Variants in TM9SF3 observed in about 807,000 individuals in gnomAD.
TM9SF3 encodes the protein transmembrane 9 superfamily member 3.
TM9SF3 carries 14 observed loss-of-function variants against 78.6 expected under a neutral mutation model. The ratio of observed to expected loss-of-function variants is 0.18; its 90% CI spans 0.12 to 0.28. The LOEUF (loss-of-function observed/expected upper bound fraction) is 0.28. Among genes scored for constraint, TM9SF3 ranks in the 10% least tolerant of loss-of-function variants. The pLI, the probability that TM9SF3 is intolerant of heterozygous loss-of-function variation, is 1.00. For synonymous variants in TM9SF3, 231 were observed against 241.7 expected (o/e 0.96, Z 0.41); for missense variants, 496 against 721.9 (o/e 0.69, Z 3.59).
At chr10:96,556,440 C>T (rs1057074010) in intron 5 of TM9SF3, among the ~76,000 whole-genome samples, 2 of 152,120 alleles carry the variant, frequency 1.3e-5, no homozygotes, top group African/African-American at 2.4e-5. Context: ...TCATAGTAAG[C>T]GGCAAAGCAT....
chr10:96,546,209 TA>T (rs373582993), intron 8 of TM9SF3, among the ~76,000 whole-genome samples: 18 of 152,182 alleles, frequency 1.2e-4, no homozygotes, highest in African/African-American at 3.1e-4. Context: ...ACTTCTACAT[TA>T]ACCTGGTTTT....
chr10:96,561,878 C>T (rs1848312175), intron 4 of TM9SF3, 100 bp downstream of exon 4: 2 of 949,008 alleles, frequency 2.1e-6, no homozygotes, highest in East Asian at 4.9e-5. Flanking sequence ...TGTTGCATCC[C>T]ATTTCAAGCT....
At chr10:96,533,272 C>A (rs1042554425) in intron 9 of TM9SF3, 82 bp from the exon 10 acceptor site, 4 of 1,464,146 alleles carry the variant, frequency 2.7e-6, no homozygotes, top group Non-Finnish European at 3.7e-6. Flanking sequence ...AATTTAAACA[C>A]AATTTGACCA....
intron 1 of TM9SF3, among the ~76,000 whole-genome samples, chr10:96,577,928 T>A (rs1288897582): frequency 6.6e-6 from 1 of 152,124 alleles, no homozygotes; most frequent in African/African-American, 2.4e-5. Context: ...AGTTAATAAA[T>A]AAATATTTTC....
intron 1 of TM9SF3, among the ~76,000 whole-genome samples, chr10:96,579,894 A>C (rs764724020): frequency 1.4e-4 from 21 of 152,242 alleles, no homozygotes; most frequent in Non-Finnish European, 2.9e-4. Context: ...GAAATTAAAA[A>C]ATACCAAAAG....
rs538195039 is a variant in TM9SF3, at chr10:96,533,185, G to A, written c.1191C>T (p.Ala397=). 184 of 1,612,718 alleles carry A rather than the reference G, an allele frequency of 1.1e-4. No homozygotes were observed. Among genetic ancestry groups the A allele is most frequent in the East Asian group, 6.7e-5 (3 of 44,814 alleles). ...TAACAAAAAAACAGATGCAACAAAC[G>A]GCCACCTGTAAATTAAATAAAAATG... is the stretch of plus-strand genomic sequence containing the variant. ...SRAIPFGTMV[A]VCCICFFVIL... Residue 397 remains alanine, a synonymous_variant, in exon 10 of 15, where the codon GCC becomes GCT. Coordinates refer to ENST00000371142, the MANE Select transcript of TM9SF3 (RefSeq NM_020123.4).
intron 5 of TM9SF3, among the ~76,000 whole-genome samples, chr10:96,554,452 C>T (rs1477187011): frequency 6.6e-6 from 1 of 152,136 alleles, no homozygotes; most frequent in Non-Finnish European, 1.5e-5. Context: ...TTATCTGCCT[C>T]ACTCTCCTTG....
chr10:96,530,392 C>T, intron 11 of TM9SF3, 148 bp downstream of exon 11: 1 of 625,414 alleles, frequency 1.6e-6, no homozygotes, highest in South Asian at 2.4e-5. Flanking sequence ...CAACAGCTAC[C>T]TTTATATAGC....
chr10:96,585,660 G>A (rs1053006185), intron 1 of TM9SF3, among the ~76,000 whole-genome samples: 1 of 152,150 alleles, frequency 6.6e-6, no homozygotes, highest in Non-Finnish European at 1.5e-5. Context: ...AAATAAAATC[G>A]GATCCATTAA....
intron 2 of TM9SF3, among the ~76,000 whole-genome samples, chr10:96,571,560 T>A (rs952407977): frequency 3.3e-5 from 5 of 152,182 alleles, no homozygotes; most frequent in African/African-American, 1.2e-4. Flanking sequence ...CAGGCAGATA[T>A]CTGGAGGGAA....
intron 5 of TM9SF3, among the ~76,000 whole-genome samples, chr10:96,555,260 T>C (rs1023855979): frequency 6.6e-6 from 1 of 152,162 alleles, no homozygotes; most frequent in African/African-American, 2.4e-5. Flanking sequence ...TATATTCCAA[T>C]AAGCCTTATC....
intron 11 of TM9SF3, among the ~76,000 whole-genome samples, chr10:96,529,666 G>A (rs1189826559): frequency 6.6e-6 from 1 of 151,370 alleles, no homozygotes; most frequent in Non-Finnish European, 1.5e-5. Context: ...AAAAATCAGT[G>A]GACGTACATT....
Position 96,528,278 on chromosome 10 carries a change from T to G in TM9SF3, c.1395-101A>C, listed in dbSNP as rs1044919747. The G allele has an allele frequency of 2.4e-6, 3 of 1,236,174 alleles. No homozygotes were observed. In the Admixed American group the frequency reaches 7.5e-5, roughly 31 times the overall value. The allele number at this position is 1,236,174 out of a possible 1,614,324, so 76.6% of individuals were successfully genotyped here. ...TTTTAGTTCTCATTTTTTTCTCACTTAATGACTTTCTTTCAAGTATCTTCC... is the reference window on the plus strand; with the variant it reads ...TTTTAGTTCTCATTTTTTTCTCACTGAATGACTTTCTTTCAAGTATCTTCC... On this transcript the variant is annotated intron_variant, in intron 11 of 14. Transcript: ENST00000371142.
Position 96,560,741 on chromosome 10 carries a change from T to C in TM9SF3, c.583-1005A>G, listed in dbSNP as rs1339586918. 12 of 573,084 alleles carry C rather than the reference T, an allele frequency of 2.1e-5. No homozygotes were observed. The Admixed American group carries it at 2.3e-4, about 11-fold the overall frequency. 35.5% of individuals were successfully genotyped at this position (573,084 alleles called of 1,614,324 possible). A position where few individuals can be genotyped will look rare whatever the true frequency, so the allele number is the denominator to read the frequency against. ...CACCAGTGAAGAAATCTACATGAGA[T>C]AATCCAGCCAAAAATGCACAAAAGT... is the stretch of plus-strand genomic sequence containing the variant. On this transcript the variant is annotated intron_variant, in intron 4 of 14. Transcript: ENST00000371142.
chr10:96,576,603 T>C, intron 2 of TM9SF3, 31 bp downstream of exon 2: 1 of 1,527,626 alleles, frequency 6.5e-7, no homozygotes, highest in South Asian at 1.3e-5. Flanking sequence ...CAATCCAAAT[T>C]GCATTGTAAG....
At chr10:96,568,990 C>A (rs1177678725) in intron 2 of TM9SF3, among the ~76,000 whole-genome samples, 2 of 152,056 alleles carry the variant, frequency 1.3e-5, no homozygotes, top group Non-Finnish European at 2.9e-5. Flanking sequence ...GAGTTCGAGA[C>A]CAGCCTGAGC....
intron 2 of TM9SF3, among the ~76,000 whole-genome samples, chr10:96,572,656 A>G (rs189298699): frequency 2.6e-5 from 4 of 151,140 alleles, no homozygotes; most frequent in Admixed American, 1.3e-4. Flanking sequence ...CCTCCCGAGT[A>G]GCTGGGACCA....
intron 5 of TM9SF3, among the ~76,000 whole-genome samples, chr10:96,554,998 T>G (rs1848217294): frequency 6.6e-6 from 1 of 152,046 alleles, no homozygotes; most frequent in South Asian, 2.1e-4. Flanking sequence ...CCTCATACCT[T>G]GATAGCACTA....
At chr10:96,586,034 T>G (rs1315790189) in intron 1 of TM9SF3, among the ~76,000 whole-genome samples, 1 of 152,216 alleles carries the variant, frequency 6.6e-6, no homozygotes, top group Non-Finnish European at 1.5e-5. Flanking sequence ...GACCCTTTAC[T>G]GTCAGAAGCT....
Sources: allele counts gnomAD v4.1 joint callset (sites outside exome capture counted in the v4.1 genomes callset), GRCh38; gene constraint gnomAD v4.1.1; transcripts MANE v1.5; gene names NCBI Gene and HGNC (gene_info 2026-07-23, HGNC 2026-07-21).